The following NREP variants were observed in gnomAD, a reference collection of about 807,000 sequenced individuals.
The protein encoded by NREP is neuronal regeneration related protein.
NREP carries 5 observed loss-of-function variants against 8.6 expected under a neutral mutation model. The observed-to-expected ratio is 0.58, with a 90% CI of 0.30 to 1.22. The LOEUF (loss-of-function observed/expected upper bound fraction) is 1.22, where lower values mean the gene tolerates loss of function less well. Ranked by LOEUF, NREP falls within the 50% of genes most tolerant of loss-of-function variation. The pLI is 0.07. For synonymous variants in NREP, 27 were observed against 28.0 expected, an observed-to-expected ratio of 0.96 and a Z score of 0.11; for missense variants, 86 against 82.5, an observed-to-expected ratio of 1.04 and a Z score of -0.17.
At chr5:111,840,517 G>A (rs1581157160) in intron 2 of NREP, among the ~76,000 whole-genome samples, 2 of 152,086 alleles carry the variant, frequency 1.3e-5, no homozygotes, top group East Asian at 1.9e-4. Flanking sequence ...CTGTAGTTAA[G>A]TTTTCTGTTA....
chr5:111,801,880 T>C (rs1038529170), intron 2 of NREP, among the ~76,000 whole-genome samples: 2 of 152,204 alleles, frequency 1.3e-5, no homozygotes, highest in African/African-American at 4.8e-5. Context: ...CTCTCTGTTC[T>C]TGTATTTTTA....
intron 2 of NREP, among the ~76,000 whole-genome samples, chr5:111,963,377 C>G (rs530447012): frequency 6.6e-6 from 1 of 152,370 alleles, no homozygotes; most frequent in East Asian, 1.9e-4. Context: ...GAGAAACTCT[C>G]TTGACCATAA....
At chr5:111,918,511 A>C (rs1755130325) in intron 2 of NREP, among the ~76,000 whole-genome samples, 2 of 152,186 alleles carry the variant, frequency 1.3e-5, no homozygotes, top group South Asian at 4.2e-4. Context: ...AGCAAGACAG[A>C]TACATAGACC....
chr5:111,872,945 A>G (rs4957987), intron 2 of NREP, among the ~76,000 whole-genome samples: 150,582 of 152,234 alleles, frequency 0.99, 74,488 homozygotes, highest in East Asian at 1. Flanking sequence ...CTGGGGAACC[A>G]TCAGCATTTC....
At chr5:111,769,574 G>A (rs1581103549) in intron 2 of NREP, among the ~76,000 whole-genome samples, 1 of 152,202 alleles carries the variant, frequency 6.6e-6, no homozygotes, top group African/African-American at 2.4e-5. Context: ...TCATACTGCT[G>A]TAAAGATACA....
chr5:111,865,977 CAT>C (rs1753655012), intron 2 of NREP, among the ~76,000 whole-genome samples: 1 of 152,130 alleles, frequency 6.6e-6, no homozygotes, highest in Non-Finnish European at 1.5e-5. Context: ...GATGGGGACA[CAT>C]AGCCATTCTC....
chr5:111,971,996 G>C (rs1756833864), intron 2 of NREP, among the ~76,000 whole-genome samples: 1 of 152,066 alleles, frequency 6.6e-6, no homozygotes, highest in African/African-American at 2.4e-5. Flanking sequence ...CCATATATTT[G>C]ATAAGGGGTT....
At chr5:111,737,009 G>C (rs1349690773) in intron 2 of NREP, among the ~76,000 whole-genome samples, 2 of 152,132 alleles carry the variant, frequency 1.3e-5, no homozygotes, top group African/African-American at 2.4e-5. Context: ...CCACGTTTGG[G>C]TCTTAAAGAG....
chr5:111,848,848 C>T (rs1225013067), intron 2 of NREP, among the ~76,000 whole-genome samples: 1 of 150,736 alleles, frequency 6.6e-6, no homozygotes, highest in Non-Finnish European at 1.5e-5. Flanking sequence ...GCAGAGGAGC[C>T]TGAGCCTAAG....
At chr5:111,939,415 T>A (rs1010485012) in intron 2 of NREP, among the ~76,000 whole-genome samples, 32 of 152,014 alleles carry the variant, frequency 2.1e-4, no homozygotes, top group African/African-American at 7.7e-4. Flanking sequence ...AATCAGCATT[T>A]TTTCCCAGAC....
intron 2 of NREP, among the ~76,000 whole-genome samples, chr5:111,813,225 G>A (rs930447315): frequency 5.3e-5 from 8 of 152,162 alleles, no homozygotes; most frequent in Admixed American, 6.5e-5. Context: ...CTTCTTGATG[G>A]TGATTTCATC....
At chr5:111,955,271 A>G (rs1756278111) in intron 2 of NREP, among the ~76,000 whole-genome samples, 1 of 152,144 alleles carries the variant, frequency 6.6e-6, no homozygotes, top group Non-Finnish European at 1.5e-5. Flanking sequence ...TCAAAGAGAA[A>G]TATTATTCTT....
chr5:111,843,151 T>C (rs928840475), intron 2 of NREP, among the ~76,000 whole-genome samples: 1 of 152,194 alleles, frequency 6.6e-6, no homozygotes, highest in African/African-American at 2.4e-5. Flanking sequence ...TATTTCTCTC[T>C]GCTCCTTTTA....
intron 2 of NREP, among the ~76,000 whole-genome samples, chr5:111,828,661 T>C (rs1225660073): frequency 6.6e-6 from 1 of 152,160 alleles, no homozygotes; most frequent in African/African-American, 2.4e-5. Flanking sequence ...ATTAATATTA[T>C]ACTTGGTGGA....
chr5:111,832,881 G>T (rs1196769980), intron 2 of NREP, among the ~76,000 whole-genome samples: 2 of 152,126 alleles, frequency 1.3e-5, no homozygotes, highest in Non-Finnish European at 2.9e-5. Context: ...GACTCTTCAG[G>T]AAGTTCCTCC....
intron 2 of NREP, among the ~76,000 whole-genome samples, chr5:111,923,837 A>C (rs534990770): frequency 9.2e-5 from 14 of 152,324 alleles, no homozygotes; most frequent in Admixed American, 6.5e-4. Context: ...CCCCAAGCAA[A>C]GCTTGTTTTA....
chr5:111,898,872 C>A lies in NREP; in HGVS notation c.135+76402G>T, dbSNP rs1477943070. On this transcript the variant is annotated intron_variant, in intron 2 of 3. Transcript: ENST00000395634. ...ATTGTTAACTCACTTATAATGGAAT[C>A]CTCATCAGACTAACAGTGGATTTCT... Among the ~76,000 whole-genome samples the A allele has an allele frequency of 2.0e-5, 3 of 152,178 alleles. No individual in the cohort carries two copies. In the East Asian group the frequency reaches 5.8e-4, roughly 29 times the overall value.
intron 2 of NREP, among the ~76,000 whole-genome samples, chr5:111,809,876 T>TAC (rs1752231866): frequency 7.3e-5 from 9 of 123,014 alleles, no homozygotes; most frequent in Admixed American, 2.2e-4. Context: ...TTGGCGTGTG[T>TAC]GTGTGTGTGT....
intron 2 of NREP, among the ~76,000 whole-genome samples, chr5:111,737,398 A>C (rs1461547833): frequency 6.6e-6 from 1 of 152,220 alleles, no homozygotes; most frequent in East Asian, 1.9e-4. Flanking sequence ...TTTAAAAATC[A>C]TATTTCAAGT....
Sources: gnomAD v4.1 joint callset for allele counts (sites outside exome capture counted in the v4.1 genomes callset) on GRCh38, gnomAD v4.1.1 for gene constraint, MANE v1.5 for transcripts, NCBI Gene and HGNC (gene_info 2026-07-23, HGNC 2026-07-21) for gene names.